The following TRPM7 variants were observed in gnomAD, a reference collection of about 807,000 sequenced individuals.
TRPM7 encodes the protein transient receptor potential cation channel subfamily M member 7.
TRPM7 carries 134 observed loss-of-function variants against 229.7 expected under a neutral mutation model. The ratio of observed to expected loss-of-function variants is 0.58; its 90% confidence interval spans 0.51 to 0.67. The LOEUF (loss-of-function observed/expected upper bound fraction) is 0.67. Among genes scored for constraint, TRPM7 ranks in the 30% least tolerant of loss-of-function variants. The probability of loss-of-function intolerance (pLI) is 0.00; values close to 1 mark genes in which losing one functional copy is unlikely to be tolerated. For missense variants in TRPM7, 1,901 were observed against 2,210.0 expected (o/e 0.86, Z 2.80); for synonymous variants, 699 against 715.2 (o/e 0.98, Z 0.36).
intron 38 of TRPM7, among the ~76,000 whole-genome samples, chr15:50,562,947 T>C (rs1443545418): frequency 6.6e-6 from 1 of 151,472 alleles, no homozygotes; most frequent in Non-Finnish European, 1.5e-5. Flanking sequence ...CTAGGAGGAG[T>C]GTTCTAGGCA....
intron 13 of TRPM7, among the ~76,000 whole-genome samples, chr15:50,616,079 T>C (rs796981498): frequency 2.1e-4 from 32 of 152,276 alleles, no homozygotes; most frequent in African/African-American, 7.5e-4. Flanking sequence ...CCTATGATAT[T>C]CTTCAATATT....
chr15:50,683,985 G>A (rs952294282), intron 1 of TRPM7, among the ~76,000 whole-genome samples: 2 of 151,278 alleles, frequency 1.3e-5, no homozygotes, highest in African/African-American at 2.4e-5. Context: ...TCAGCCTCAC[G>A]AGTAGCTGGG....
chr15:50,653,574 CAT>C (rs753628613), intron 3 of TRPM7, among the ~76,000 whole-genome samples: 29 of 152,154 alleles, frequency 1.9e-4, no homozygotes, highest in Non-Finnish European at 4.1e-4. Flanking sequence ...GAGGGAAACA[CAT>C]GAGGTAAACC....
Position 50,611,093 on chromosome 15 carries a change from C to T in TRPM7, c.2280G>A (p.Lys760=). ...ATATCAAATTATTTCTAAAGTATAC[C>T]TTGTACCAGGAATTTTTCCTCATAT... ...RLNMRKNSWY[K]VILSILVPPA... Residue 760 remains lysine (K), a splice_region_variant and synonymous_variant, in exon 17 of 39, where the codon AAG becomes AAA. Coordinates refer to ENST00000646667, the MANE Select transcript of TRPM7 (RefSeq NM_017672.6). The T allele has an allele frequency of 3.1e-6, 5 of 1,605,780 alleles. No homozygotes were observed. Among genetic ancestry groups the T allele is most frequent in the Non-Finnish European group, 4.3e-6 (5 of 1,172,764 alleles).
chr15:50,574,763 C>T, intron 34 of TRPM7, 44 bp from the exon 35 acceptor site: 2 of 1,590,688 alleles, frequency 1.3e-6, no homozygotes, highest in Non-Finnish European at 1.7e-6. Context: ...AATATTTAAA[C>T]TAAGATTATA....
chr15:50,634,603 G>C (rs1423114154), intron 7 of TRPM7, 47 bp from the exon 8 acceptor site: 1 of 1,297,810 alleles, frequency 7.7e-7, no homozygotes, highest in African/African-American at 1.5e-5. Context: ...TCCCAAGCAA[G>C]TTTCTCTCCA....
intron 1 of TRPM7, among the ~76,000 whole-genome samples, chr15:50,683,611 G>A (rs28439615): frequency 0.018 from 2,704 of 152,208 alleles, 78 homozygotes; most frequent in African/African-American, 0.063. Context: ...GTGGACGCCT[G>A]TAATCCCAGC....
intron 7 of TRPM7, 143 bp from the exon 8 acceptor site, chr15:50,634,699 C>T (rs1170310578): frequency 1.7e-6 from 1 of 579,198 alleles, no homozygotes; most frequent in Non-Finnish European, 2.7e-6. Flanking sequence ...ATTTCTAAGA[C>T]TATGTTGACT....
intron 5 of TRPM7, among the ~76,000 whole-genome samples, chr15:50,642,479 C>G (rs1165228702): frequency 6.6e-6 from 1 of 152,182 alleles, no homozygotes; most frequent in Non-Finnish European, 1.5e-5. Context: ...GTGGAAGTAA[C>G]TGAATCATGG....
At chr15:50,566,687 T>G (rs572383615) in intron 38 of TRPM7, among the ~76,000 whole-genome samples, 144 of 152,080 alleles carry the variant, frequency 9.5e-4, no homozygotes, top group African/African-American at 3.4e-3. Flanking sequence ...AGAGTGAGAC[T>G]CCATCTCAAA....
Position 50,561,550 on chromosome 15 carries a change from G to T in TRPM7, c.*128C>A. On this transcript the variant is annotated 3_prime_UTR_variant, in exon 39 of 39. Coordinates refer to ENST00000646667, the MANE Select transcript of TRPM7 (RefSeq NM_017672.6). ...AAAAGAATATTGACCTTTTAACTGT[G>T]CTGGAGTCAGCAAATTCAACTTGCA... The T allele has an allele frequency of 2.9e-6, 3 of 1,020,978 alleles. No homozygotes were observed. The highest frequency in any genetic ancestry group is 2.6e-5 in the Admixed American group (1 of 38,122). The allele number at this position is 1,020,978 out of a possible 1,614,324, so 63.2% of individuals were successfully genotyped here. A position where few individuals can be genotyped will look rare whatever the true frequency, so the allele number is the denominator to read the frequency against.
intron 26 of TRPM7, among the ~76,000 whole-genome samples, chr15:50,591,423 T>C (rs774759074): frequency 6.6e-6 from 1 of 151,870 alleles, no homozygotes; most frequent in Non-Finnish European, 1.5e-5. Context: ...TAAAATTCCA[T>C]CAAAGAGGTT....
intron 10 of TRPM7, 41 bp from the exon 11 acceptor site, chr15:50,628,290 T>G (rs1298747905): frequency 7.0e-7 from 1 of 1,420,234 alleles, no homozygotes; most frequent in Middle Eastern, 2.3e-4. Context: ...TCAATTAATT[T>G]ATCTCCATTA....
chr15:50,608,551 T>C (rs1275138440), intron 19 of TRPM7, among the ~76,000 whole-genome samples: 2 of 152,184 alleles, frequency 1.3e-5, no homozygotes, highest in Non-Finnish European at 2.9e-5. Context: ...AACTGCCCTA[T>C]TTTCATCAGT....
intron 1 of TRPM7, among the ~76,000 whole-genome samples, chr15:50,679,539 T>TATATATGTGTATATATATAATATATATA (rs1491586861): frequency 4.5e-5 from 1 of 22,306 alleles, no homozygotes; most frequent in African/African-American, 2.1e-4. Context: ...TATATATATA[T>TATATATGTGTATATATATAATATATATA]TTTTTTTTTT....
At chr15:50,641,612 T>TC (rs2061102883) in intron 5 of TRPM7, among the ~76,000 whole-genome samples, 1 of 152,072 alleles carries the variant, frequency 6.6e-6, no homozygotes. Context: ...TATCTTTATC[T>TC]CCCCCACTAG....
At chr15:50,640,298 G>GT (rs975099049) in intron 5 of TRPM7, among the ~76,000 whole-genome samples, 2 of 151,922 alleles carry the variant, frequency 1.3e-5, no homozygotes, top group African/African-American at 4.8e-5. Flanking sequence ...GGGAGTCAGG[G>GT]TCTCACTCTA....
chr15:50,571,427 T>C (rs2053879692), intron 36 of TRPM7, among the ~76,000 whole-genome samples: 1 of 152,220 alleles, frequency 6.6e-6, no homozygotes, highest in Non-Finnish European at 1.5e-5. Context: ...AAGCACTGTT[T>C]GTAGAAGCAA....
At chr15:50,667,228 T>C (rs1346287938) in intron 1 of TRPM7, among the ~76,000 whole-genome samples, 1 of 152,140 alleles carries the variant, frequency 6.6e-6, no homozygotes, top group Non-Finnish European at 1.5e-5. Flanking sequence ...CTGTGCCTGA[T>C]TACTAGGCCC....
Sources: allele counts gnomAD v4.1 joint callset (sites outside exome capture counted in the v4.1 genomes callset), GRCh38; gene constraint gnomAD v4.1.1; transcripts MANE v1.5; gene names NCBI Gene and HGNC (gene_info 2026-07-23, HGNC 2026-07-21).